ZNF616: variants seen among roughly 807,000 people sequenced by gnomAD.
The protein encoded by ZNF616 is zinc finger protein 616.
A neutral mutation model predicts 7.6 loss-of-function variants in ZNF616; 5 were observed. The ratio of observed to expected loss-of-function variants is 0.66; its 90% CI spans 0.34 to 1.38. The LOEUF (loss-of-function observed/expected upper bound fraction) is 1.38, where lower values mean the gene tolerates loss of function less well. Ranked by LOEUF, ZNF616 falls within the 40% of genes most tolerant of loss-of-function variation. The pLI is 0.04. For synonymous variants in ZNF616, 319 were observed against 317.2 expected (o/e 1.01, Z -0.06); for missense variants, 913 against 948.3 (o/e 0.96, Z 0.49).
At chr19:52,135,551 G>A (rs1383146818) in intron 1 of ZNF616, among the ~76,000 whole-genome samples, 3 of 152,160 alleles carry the variant, frequency 2.0e-5, no homozygotes, top group African/African-American at 7.2e-5. Flanking sequence ...ACTATGGAGA[G>A]TGCCTGCTGT....
Position 52,116,405 on chromosome 19 carries a change from A to AT in ZNF616, c.758dup (p.Asn253LysfsTer20), listed in dbSNP as rs767357451. 28 of 1,611,728 alleles carry AT rather than the reference A, an allele frequency of 1.7e-5. No homozygotes were observed. The highest frequency in any genetic ancestry group is 1.7e-4 in the Middle Eastern group (1 of 6,030). On this transcript the variant is annotated frameshift_variant, in exon 4 of 4. Coordinates refer to ENST00000600228, the MANE Select transcript of ZNF616 (RefSeq NM_178523.5). LOFTEE classifies it low-confidence loss of function (END_TRUNC). ...TCCTTTGGTGTCTTACAAAATATGA[A>AT]TTTTTTCTGAAGATCTTGCCACATA...
chr19:52,116,963 T>C lies in ZNF616; in HGVS notation c.201A>G (p.Glu67=). The C allele has an allele frequency of 6.2e-7, 1 of 1,612,146 alleles. No homozygotes were observed. Among genetic ancestry groups the C allele is most frequent in the Non-Finnish European group, 8.5e-7 (1 of 1,179,420 alleles). The change falls in exon 4 of 4, where the codon GAA becomes GAG. Residue 67 remains glutamate, a synonymous_variant. Transcript: ENST00000600228. ...TTTCCAGTGCCACTGTTTGGAACCT[T>C]TCTCCTGTATTACTGTTCTCTGTTG... ...LPPTENSNTG[E]RFQTVALERH...
At chr19:52,133,297 T>C (rs1266346726) in intron 1 of ZNF616, among the ~76,000 whole-genome samples, 1 of 152,216 alleles carries the variant, frequency 6.6e-6, no homozygotes, top group African/African-American at 2.4e-5. Context: ...TCTGTGTGTG[T>C]GCATGCATTT....
At chr19:52,135,546 G>C (rs4802894) in intron 1 of ZNF616, among the ~76,000 whole-genome samples, 93,789 of 152,026 alleles carry the variant, frequency 0.62, 31,134 homozygotes, top group African/African-American at 0.85. Context: ...AAGTCACTAT[G>C]GAGAGTGCCT....
rs754905243 is a variant in ZNF616, at chr19:52,116,699, T to A, written c.465A>T (p.Gln155His). The change falls in exon 4 of 4, where the codon CAA becomes CAT. Residue 155 changes from glutamine to histidine, a missense_variant. Transcript: ENST00000600228. ...TACATTCATAAAGTCTCCCTTCAGT[T>A]TGAACTTTCTGCAGTTCAGCCAGAC... ...ESRLAELQKV[Q>H]TEGRLYECNE... is the part of the protein sequence containing the mutation. 5 of 1,614,078 alleles carry A rather than the reference T, an allele frequency of 3.1e-6. No individual in the cohort carries two copies. Among genetic ancestry groups the A allele is most frequent in the African/African-American group, 1.3e-5 (1 of 74,944 alleles).
At chr19:52,123,801 T>G in intron 3 of ZNF616, 122 bp downstream of exon 3, 1 of 1,258,814 alleles carries the variant, frequency 7.9e-7, no homozygotes, top group Non-Finnish European at 1.1e-6. Context: ...TGTGAAGCTT[T>G]TTATTTTTGA....
intron 2 of ZNF616, among the ~76,000 whole-genome samples, chr19:52,126,075 C>G (rs756297588): frequency 1.3e-5 from 2 of 152,106 alleles, no homozygotes; most frequent in Non-Finnish European, 2.9e-5. Context: ...GCCACCAAAT[C>G]TGGGCAGGCA....
Position 52,115,553 on chromosome 19 carries a change from T to G in ZNF616, c.1611A>C (p.Ala537=). The change falls in exon 4 of 4, where the codon GCA becomes GCC. Residue 537 remains alanine, a synonymous_variant. Transcript: ENST00000600228. ...GKVFSDRSAF[A]RHRRIHTGEK... ...CTCCAGTATGAATTCTCCGATGCCT[T>G]GCAAAAGCTGAACGGTCACTGAAGA... 1 of 1,614,016 alleles carries G rather than the reference T, an allele frequency of 6.2e-7. No homozygotes were observed. The highest frequency in any genetic ancestry group is 1.1e-5 in the South Asian group (1 of 91,062).
intron 1 of ZNF616, among the ~76,000 whole-genome samples, chr19:52,136,126 T>C (rs1160590948): frequency 1.1e-5 from 1 of 93,076 alleles, no homozygotes; most frequent in Non-Finnish European, 1.9e-5. Flanking sequence ...TAAGACTTTG[T>C]CTCAAAAAAA....
chr19:52,118,228 C>T (rs2088841542), intron 3 of ZNF616, among the ~76,000 whole-genome samples: 1 of 152,144 alleles, frequency 6.6e-6, no homozygotes, highest in Non-Finnish European at 1.5e-5. Context: ...TATATACAGG[C>T]ATGAGTCACC....
chr19:52,116,270 T>C lies in ZNF616; in HGVS notation c.894A>G (p.Lys298=). The change falls in exon 4 of 4, where the codon AAA becomes AAG. Residue 298 remains lysine, a synonymous_variant. Transcript: ENST00000600228. Reference sequence around the variant, plus strand: ...TAAAGGATTTCCCACACAGATTACATTTGTAAGGTTTTTCACCGGTATGAA... The same window carrying C: ...TAAAGGATTTCCCACACAGATTACACTTGTAAGGTTTTTCACCGGTATGAA... The part of the protein sequence containing the change: ...QRIHTGEKPY[K]CNLCGKSFSQ... The C allele has an allele frequency of 1.2e-6, 2 of 1,614,172 alleles. No homozygotes were observed. Among genetic ancestry groups the C allele is most frequent in the Middle Eastern group, 1.6e-4 (1 of 6,062 alleles).
Position 52,114,933 on chromosome 19 carries a change from G to A in ZNF616, c.2231C>T (p.Pro744Leu), listed in dbSNP as rs2088803302. The A allele has an allele frequency of 6.2e-7, 1 of 1,614,136 alleles. No individual in the cohort carries two copies. The change falls in exon 4 of 4, where the codon CCT becomes CTT. Residue 744 changes from proline (P) to leucine (L), a missense_variant. Coordinates refer to ENST00000600228, the MANE Select transcript of ZNF616 (RefSeq NM_178523.5). ...KHQRIHSGKK[P>L]YKCNECGKSF... is the part of the protein sequence containing the mutation. ...TTTCCCACACTCATTACATTTATAA[G>A]GTTTTTTGCCAGAATGAATTCTTTG...
chr19:52,114,870 A>T lies in ZNF616; in HGVS notation c.2294T>A (p.Ile765Lys), dbSNP rs757376401. 1.9e-6 allele frequency: 3 copies of T among 1,610,738 alleles called. No individual in the cohort carries two copies. The highest frequency in any genetic ancestry group is 2.5e-6 in the Non-Finnish European group (3 of 1,178,224). ...TGTAAGGCTCTCTCCAGTATGTCTT[A>T]TTCGATGTTTAGTGAGGCCTGAGCG... ...ICRSGLTKHR[I>K]RHTGESLTTK... is the part of the protein sequence containing the mutation. Residue 765 changes from isoleucine (I) to lysine (K), a missense_variant, in exon 4 of 4, where the codon ATA (isoleucine) becomes AAA (lysine). Transcript: ENST00000600228.
intron 3 of ZNF616, among the ~76,000 whole-genome samples, chr19:52,117,399 T>C (rs1404751714): frequency 6.6e-6 from 1 of 152,184 alleles, no homozygotes; most frequent in Non-Finnish European, 1.5e-5. Context: ...ATTTACTTCA[T>C]ATTTACTGTG....
Position 52,113,829 on chromosome 19 carries a change from A to G in ZNF616, c.*989T>C, listed in dbSNP as rs2088791422. On this transcript the variant is annotated 3_prime_UTR_variant, in exon 4 of 4. Transcript: ENST00000600228. ...ATGGCTGCATAGTATCCCATGGTGT[A>G]TATGTACCACATTTTCTTTATTCAG... 6.7e-6 allele frequency: 1 copy of G among 149,656 alleles called. No individual in the cohort carries two copies. The highest frequency in any genetic ancestry group is 2.6e-5 in the African/African-American group (1 of 39,052). The allele number at this position is 149,656 out of a possible 1,614,324, so 9.3% of individuals were successfully genotyped here. A position where few individuals can be genotyped will look rare whatever the true frequency, so the allele number is the denominator to read the frequency against.
At chr19:52,122,637 A>ATT (rs531564625) in intron 3 of ZNF616, among the ~76,000 whole-genome samples, 7 of 142,774 alleles carry the variant, frequency 4.9e-5, no homozygotes, top group African/African-American at 7.7e-5. Context: ...TCCATTAACA[A>ATT]TTTTTTTTTT....
chr19:52,116,876 G>A lies in ZNF616; in HGVS notation c.288C>T (p.Asp96=). 1 of 1,613,818 alleles carries A rather than the reference G, an allele frequency of 6.2e-7. No individual in the cohort carries two copies. The highest frequency in any genetic ancestry group is 8.5e-7 in the Non-Finnish European group (1 of 1,179,940). ...YFREIQKHLH[D]LEFQWKDGET... ...CACCATCTTTCCATTGAAATTCAAG[G>A]TCATGTAGATGTTTCTGTATTTCCC... Residue 96 remains aspartate, a synonymous_variant, in exon 4 of 4, where the codon GAC becomes GAT. Coordinates refer to ENST00000600228, the MANE Select transcript of ZNF616 (RefSeq NM_178523.5).
At chr19:52,131,758 A>C (rs781747212) in intron 1 of ZNF616, among the ~76,000 whole-genome samples, 2 of 152,204 alleles carry the variant, frequency 1.3e-5, no homozygotes, top group Non-Finnish European at 2.9e-5. Context: ...CAGATCCTCA[A>C]AATGTAAAAA....
intron 1 of ZNF616, among the ~76,000 whole-genome samples, chr19:52,131,972 G>A (rs1011981859): frequency 6.6e-6 from 1 of 152,108 alleles, no homozygotes; most frequent in African/African-American, 2.4e-5. Flanking sequence ...TGGAGCAGAG[G>A]GAGTGAGGAG....
Sources: gnomAD v4.1 joint callset for allele counts (sites outside exome capture counted in the v4.1 genomes callset) on GRCh38, gnomAD v4.1.1 for gene constraint, MANE v1.5 for transcripts, NCBI Gene and HGNC (gene_info 2026-07-23, HGNC 2026-07-21) for gene names.